Variants in ANO3 observed in about 807,000 individuals in gnomAD.
ANO3 encodes the protein anoctamin 3.
A neutral mutation model predicts 144.8 loss-of-function variants in ANO3; 99 were observed. The ratio of observed to expected loss-of-function variants is 0.68; its 90% CI spans 0.58 to 0.81. The LOEUF (loss-of-function observed/expected upper bound fraction) is 0.81. Among genes scored for constraint, ANO3 ranks in the 30% least tolerant of loss-of-function variants. The pLI is 0.00. For missense variants in ANO3, 905 were observed against 1,202.2 expected, an observed-to-expected ratio of 0.75 and a Z score of 3.66; for synonymous variants, 414 against 392.6, an observed-to-expected ratio of 1.05 and a Z score of -0.64.
intron 4 of ANO3, among the ~76,000 whole-genome samples, chr11:26,494,331 G>A (rs1460005815): frequency 6.6e-6 from 1 of 152,052 alleles, no homozygotes; most frequent in African/African-American, 2.4e-5. Context: ...CACCTAAGAA[G>A]TCTGGCACTC....
chr11:26,323,448 A>C (rs1854808741), intron 1 of ANO3, among the ~76,000 whole-genome samples: 1 of 152,086 alleles, frequency 6.6e-6, no homozygotes, highest in Non-Finnish European at 1.5e-5. Context: ...TTGTGGGCTT[A>C]CTGTGGTTGA....
At chr11:26,329,790 A>C (rs1854989442), upstream of ANO3, among the ~76,000 whole-genome samples, 1 of 151,556 alleles carries the variant, frequency 6.6e-6, no homozygotes, top group Non-Finnish European at 1.5e-5. Context: ...TGTGCCTAGA[A>C]ATGTGGAATA....
intron 4 of ANO3, 56 bp downstream of exon 4, chr11:26,463,204 T>C: frequency 1.1e-6 from 1 of 900,330 alleles, no homozygotes; most frequent in Non-Finnish European, 1.7e-6. Flanking sequence ...TTTAAAACCT[T>C]ACAATATTCA....
At chr11:26,441,789 T>G in intron 1 of ANO3, 129 bp from the exon 2 acceptor site, 1 of 643,812 alleles carries the variant, frequency 1.6e-6, no homozygotes, top group South Asian at 2.3e-5. Flanking sequence ...CTAACTCAAT[T>G]ATTTCTAATA....
chr11:26,408,448 T>A (rs906431760), intron 1 of ANO3, among the ~76,000 whole-genome samples: 2 of 151,700 alleles, frequency 1.3e-5, no homozygotes, highest in African/African-American at 2.4e-5. Context: ...CCAGTTAGAA[T>A]GGCAATCATT....
chr11:26,429,038 TGAG>T (rs1171953764), intron 1 of ANO3, among the ~76,000 whole-genome samples: 1 of 152,184 alleles, frequency 6.6e-6, no homozygotes, highest in African/African-American at 2.4e-5. Context: ...ACTGGGTCAC[TGAG>T]AAGTCACGGT....
intron 22 of ANO3, 31 bp downstream of exon 22, chr11:26,642,060 G>A: frequency 1.3e-6 from 2 of 1,593,546 alleles, no homozygotes; most frequent in Non-Finnish European, 8.5e-7. Context: ...GGACTATTTG[G>A]CCTTCTTGAT....
intron 1 of ANO3, among the ~76,000 whole-genome samples, chr11:26,290,554 T>A (rs550212495): frequency 6.6e-6 from 1 of 152,364 alleles, no homozygotes; most frequent in Admixed American, 6.5e-5. Context: ...TTTAGTGCTA[T>A]AAATTTCCCT....
intron 1 of ANO3, among the ~76,000 whole-genome samples, chr11:26,385,919 A>G (rs1257015925): frequency 2.0e-5 from 3 of 151,834 alleles, no homozygotes; most frequent in African/African-American, 7.3e-5. Context: ...ACATATTTAC[A>G]TGTATAAGCA....
intron 3 of ANO3, among the ~76,000 whole-genome samples, chr11:26,445,161 A>G (rs1017115594): frequency 1.3e-5 from 2 of 152,226 alleles, no homozygotes; most frequent in Admixed American, 6.5e-5. Context: ...TCCATTGAGC[A>G]TCATTTCAAC....
intron 1 of ANO3, among the ~76,000 whole-genome samples, chr11:26,397,097 C>T (rs766510862): frequency 6.6e-6 from 1 of 151,852 alleles, no homozygotes; most frequent in African/African-American, 2.4e-5. Flanking sequence ...GTTCATAGGA[C>T]ATTTAGGTGC....
chr11:26,367,915 A>G (rs764470861), intron 1 of ANO3, among the ~76,000 whole-genome samples: 5 of 152,176 alleles, frequency 3.3e-5, no homozygotes, highest in Non-Finnish European at 5.9e-5. Context: ...AGAAATTACA[A>G]TCATGAGGAC....
chr11:26,200,175 A>T (rs1851665475), intron 1 of ANO3, among the ~76,000 whole-genome samples: 2 of 152,176 alleles, frequency 1.3e-5, no homozygotes, highest in African/African-American at 4.8e-5. Flanking sequence ...GTAATGTTGG[A>T]GCATAAATCA....
intron 1 of ANO3, among the ~76,000 whole-genome samples, chr11:26,246,743 G>T (rs1468261250): frequency 6.6e-6 from 1 of 151,994 alleles, no homozygotes; most frequent in Non-Finnish European, 1.5e-5. Flanking sequence ...AGTCATGGGG[G>T]TGGGTTTTTC....
At chr11:26,649,892 G>A (rs1459656013) in intron 24 of ANO3, among the ~76,000 whole-genome samples, 1 of 152,184 alleles carries the variant, frequency 6.6e-6, no homozygotes, top group Non-Finnish European at 1.5e-5. Context: ...TCTAGAAGCA[G>A]ATGTTAAGGA....
chr11:26,364,015 C>T (rs1225016425), intron 1 of ANO3, among the ~76,000 whole-genome samples: 1 of 152,104 alleles, frequency 6.6e-6, no homozygotes, highest in Non-Finnish European at 1.5e-5. Flanking sequence ...GGTGAGGGTA[C>T]ATTAATTTGT....
intron 4 of ANO3, among the ~76,000 whole-genome samples, chr11:26,470,736 A>G (rs1464309846): frequency 1.3e-5 from 2 of 151,998 alleles, no homozygotes; most frequent in African/African-American, 2.4e-5. Context: ...AATGATATAC[A>G]AGAGATGTTT....
chr11:26,571,271 G>C (rs1850814765), intron 14 of ANO3, among the ~76,000 whole-genome samples: 1 of 152,018 alleles, frequency 6.6e-6, no homozygotes, highest in South Asian at 2.1e-4. Context: ...ATGTCTATAG[G>C]AGCAGCCTCT....
At chr11:26,209,584 GGTTGA>G (rs1851889085) in intron 1 of ANO3, among the ~76,000 whole-genome samples, 1 of 151,486 alleles carries the variant, frequency 6.6e-6, no homozygotes, top group Non-Finnish European at 1.5e-5. Context: ...CTTCCACAAT[GGTTGA>G]ACTAATTTAC....
Sources: gnomAD v4.1 joint callset for allele counts (sites outside exome capture counted in the v4.1 genomes callset) on GRCh38, gnomAD v4.1.1 for gene constraint, MANE v1.5 for transcripts, NCBI Gene and HGNC (gene_info 2026-07-23, HGNC 2026-07-21) for gene names.